SMAD9: variants seen among roughly 807,000 people sequenced by gnomAD.
The protein encoded by SMAD9 is SMAD family member 9, also known as MAD homolog 9.
Under a neutral mutation model 46.1 loss-of-function variants are expected in SMAD9, and 36 were observed. The ratio of observed to expected loss-of-function variants is 0.78; its 90% CI spans 0.60 to 1.03. SMAD9 has a LOEUF of 1.03. Ranked by LOEUF, SMAD9 falls within the 50% of genes least tolerant of loss-of-function variation. SMAD9 has a pLI of 0.00. For missense variants in SMAD9, 572 were observed against 599.8 expected (o/e 0.95, Z 0.48); for synonymous variants, 245 against 237.1 (o/e 1.03, Z -0.31).
At chr13:36,890,586 T>C (rs1300534904) in intron 1 of SMAD9, among the ~76,000 whole-genome samples, 1 of 152,244 alleles carries the variant, frequency 6.6e-6, no homozygotes, top group Non-Finnish European at 1.5e-5. Flanking sequence ...AGCTTGAATT[T>C]GGAAGAGATA....
rs142058746 is a variant in SMAD9 at position 36,903,741 on chromosome 13, G to A, written c.-187+16375C>T. Among the ~76,000 whole-genome samples, 197 of 152,082 alleles carry A rather than the reference G, an allele frequency of 1.3e-3. No homozygotes were observed. The South Asian group carries it at 0.017, about 13-fold the overall frequency. On this transcript the variant is annotated intron_variant, in intron 1 of 6. Coordinates refer to ENST00000379826, the MANE Select transcript of SMAD9 (RefSeq NM_001127217.3). ...ATATATAATGCAAAAGTAACATAGT[G>A]ACCTTTTTAAAAACATTCTGAACAA...
Position 36,853,446 on chromosome 13 carries a change from C to T in SMAD9, c.1233G>A (p.Met411Ile). 6.2e-7 allele frequency: 1 copy of T among 1,614,108 alleles called. No homozygotes were observed. The highest frequency in any genetic ancestry group is 1.1e-5 in the South Asian group (1 of 91,084). Residue 411 changes from methionine to isoleucine, a missense_variant, in exon 6 of 7, where the codon ATG becomes ATA. Physicochemically the swap from Met to Ile is conservative, Grantham distance 10. Transcript: ENST00000379826. ...TAACAAAACTCATCCGGATAGTACACATCTTGGTCAGTTCATACACGACTT... is the reference window on the plus strand; with the variant it reads ...TAACAAAACTCATCCGGATAGTACATATCTTGGTCAGTTCATACACGACTT... ...GFEVVYELTK[M>I]CTIRMSFVKG...
chr13:36,881,027 TTATACAC>T (rs2058398462), intron 1 of SMAD9, among the ~76,000 whole-genome samples: 1 of 152,212 alleles, frequency 6.6e-6, no homozygotes, highest in Non-Finnish European at 1.5e-5. Context: ...TTTCTAGAAA[TTATACAC>T]TATCACACAC....
Position 36,861,713 on chromosome 13 carries a change from G to A in SMAD9, c.1003+3824C>T, listed in dbSNP as rs983283148. The stretch of plus-strand genomic sequence containing the variant: ...GGGAGGCCAAGGCAGGGGATCACCC[G>A]AGGTCAGGAGTTCGAGACCAGCCTG... On this transcript the variant is annotated intron_variant, in intron 5 of 6. Transcript: ENST00000379826. 4.0e-5 allele frequency among the ~76,000 whole-genome samples: 6 copies of A among 150,868 alleles called. No homozygotes were observed. In the East Asian group the frequency reaches 8.1e-4, roughly 20 times the overall value.
At chr13:36,915,373 C>T (rs1229686828) in intron 1 of SMAD9, among the ~76,000 whole-genome samples, 1 of 152,204 alleles carries the variant, frequency 6.6e-6, no homozygotes, top group Non-Finnish European at 1.5e-5. Flanking sequence ...CAGCACCAAA[C>T]TCTCCTCGGG....
At chr13:36,867,592 G>C (rs1025982375) in intron 3 of SMAD9, among the ~76,000 whole-genome samples, 4 of 152,054 alleles carry the variant, frequency 2.6e-5, no homozygotes, top group Non-Finnish European at 5.9e-5. Context: ...CTCAGTAAAG[G>C]GTCAATTCAT....
intron 1 of SMAD9, among the ~76,000 whole-genome samples, chr13:36,912,372 G>C (rs2058668431): frequency 6.6e-6 from 1 of 152,130 alleles, no homozygotes; most frequent in East Asian, 1.9e-4. Context: ...CAATGAAGTG[G>C]ACACTACCCT....
chr13:36,871,065 G>A (rs1336422493), intron 3 of SMAD9, among the ~76,000 whole-genome samples: 1 of 152,182 alleles, frequency 6.6e-6, no homozygotes, highest in Non-Finnish European at 1.5e-5. Flanking sequence ...CTGACCTCTG[G>A]TAGCTGAAAC....
chr13:36,894,857 C>A (rs1029397175), intron 1 of SMAD9, among the ~76,000 whole-genome samples: 2 of 152,166 alleles, frequency 1.3e-5, no homozygotes, highest in Non-Finnish European at 2.9e-5. Flanking sequence ...ATGAAAAAGA[C>A]AGCAGTGAAC....
chr13:36,900,924 T>G (rs1403130820), intron 1 of SMAD9, among the ~76,000 whole-genome samples: 2 of 145,452 alleles, frequency 1.4e-5, no homozygotes, highest in African/African-American at 5.1e-5. Context: ...ATTCAGCAGT[T>G]TTTTCCTATT....
chr13:36,897,489 A>G lies in SMAD9; in HGVS notation c.-186-17614T>C, dbSNP rs2058538106. On this transcript the variant is annotated intron_variant, in intron 1 of 6. Coordinates refer to ENST00000379826, the MANE Select transcript of SMAD9 (RefSeq NM_001127217.3). ...CTGCTTAAGCTCAACCTGCTATACA[A>G]GAGACTCTCCCACAGTACATGAAAT... Among the ~76,000 whole-genome samples, 3 of 152,178 alleles carry G rather than the reference A, an allele frequency of 2.0e-5. No individual in the cohort carries two copies. In the South Asian group the frequency reaches 6.2e-4, roughly 32 times the overall value.
intron 1 of SMAD9, among the ~76,000 whole-genome samples, chr13:36,884,910 G>C (rs532210412): frequency 6.6e-6 from 1 of 152,192 alleles, no homozygotes; most frequent in African/African-American, 2.4e-5. Flanking sequence ...TGCACAATGC[G>C]CTCAGCCCAG....
intron 5 of SMAD9, 136 bp from the exon 6 acceptor site, chr13:36,853,811 C>T: frequency 2.3e-6 from 2 of 857,416 alleles, no homozygotes; most frequent in South Asian, 1.4e-5. Context: ...AGATGTGTGA[C>T]CTAAATGCCG....
chr13:36,893,418 A>C lies in SMAD9; in HGVS notation c.-186-13543T>G, dbSNP rs868706399. Among the ~76,000 whole-genome samples the C allele has an allele frequency of 3.6e-4, 53 of 145,596 alleles. 1 individual carries two copies. In the South Asian group the frequency reaches 7.4e-3, roughly 20 times the overall value. ...TATATATATATTTCCCCCTTCACAG[A>C]TATATATATAAATATAAATATAAAT... On this transcript the variant is annotated intron_variant, in intron 1 of 6. Transcript: ENST00000379826.
intron 1 of SMAD9, among the ~76,000 whole-genome samples, chr13:36,916,594 G>C (rs182352810): frequency 6.0e-4 from 91 of 152,164 alleles, no homozygotes; most frequent in African/African-American, 2.2e-3. Context: ...TATTGATAGA[G>C]TACTATAAAG....
Position 36,879,345 on chromosome 13 carries a change from G to C in SMAD9, c.345C>G (p.Phe115Leu), listed in dbSNP as rs761179019. Reference protein sequence around the residue: ...HELKPLECCEFPFGSKQKEVC... With the variant: ...HELKPLECCELPFGSKQKEVC... ...CTTCTTTCTGCTTGGAGCCAAATGGGAACTCACAGCACTCCAGCGGCTTCA... is the reference window on the plus strand; with the variant it reads ...CTTCTTTCTGCTTGGAGCCAAATGGCAACTCACAGCACTCCAGCGGCTTCA... Residue 115 changes from phenylalanine to leucine, a missense_variant, in exon 2 of 7, where the codon TTC (phenylalanine) becomes TTG (leucine). By Grantham distance (22) the Phe-to-Leu change is conservative. Transcript: ENST00000379826. 4 of 1,614,138 alleles carry C rather than the reference G, an allele frequency of 2.5e-6. No individual in the cohort carries two copies. The South Asian group carries it at 3.3e-5, about 13-fold the overall frequency.
chr13:36,895,564 A>T (rs2058521217), intron 1 of SMAD9, among the ~76,000 whole-genome samples: 1 of 152,242 alleles, frequency 6.6e-6, no homozygotes, highest in South Asian at 2.1e-4. Flanking sequence ...AGAACCACTG[A>T]TATAGCATAA....
chr13:36,889,074 A>G (rs1279483585), intron 1 of SMAD9, among the ~76,000 whole-genome samples: 1 of 152,224 alleles, frequency 6.6e-6, no homozygotes, highest in Non-Finnish European at 1.5e-5. Flanking sequence ...CAGGTTGCCC[A>G]CTGTCTTTCC....
intron 1 of SMAD9, among the ~76,000 whole-genome samples, chr13:36,909,797 T>C (rs922356693): frequency 6.6e-6 from 1 of 152,158 alleles, no homozygotes; most frequent in African/African-American, 2.4e-5. Context: ...AGAAAGCAGT[T>C]TGAAAACTGT....
Sources: allele counts gnomAD v4.1 joint callset (sites outside exome capture counted in the v4.1 genomes callset), GRCh38; gene constraint gnomAD v4.1.1; transcripts MANE v1.5; gene names NCBI Gene and HGNC (gene_info 2026-07-23, HGNC 2026-07-21).